The following KCNJ12 variants were observed in gnomAD, a reference collection of about 807,000 sequenced individuals.
KCNJ12 encodes potassium inwardly rectifying channel subfamily J member 12, also known as ATP-sensitive inward rectifier potassium channel 12.
In KCNJ12, 2 loss-of-function variants were observed where a neutral mutation model predicts 22.3. The ratio of observed to expected loss-of-function variants is 0.09; its 90% CI spans 0.04 to 0.28. KCNJ12 has a LOEUF of 0.28. Ranked by LOEUF, KCNJ12 falls within the 10% of genes least tolerant of loss-of-function variation. The pLI is 1.00. For synonymous variants in KCNJ12, 117 were observed against 261.4 expected (o/e 0.45, Z 5.33); for missense variants, 155 against 633.3 (o/e 0.24, Z 8.11).
At chr17:21,414,365 C>G (rs1412300808) in intron 2 of KCNJ12, among the ~76,000 whole-genome samples, 1 of 152,226 alleles carries the variant, frequency 6.6e-6, no homozygotes, top group Non-Finnish European at 1.5e-5. Flanking sequence ...ATCCCAGCTG[C>G]TCAGGAAGCT....
At chr17:21,392,486 A>AG (rs2142055178) in intron 1 of KCNJ12, among the ~76,000 whole-genome samples, 1 of 152,344 alleles carries the variant, frequency 6.6e-6, no homozygotes, top group African/African-American at 2.4e-5. Flanking sequence ...GGCAGGGGGC[A>AG]GGGGCCCAGC....
intron 1 of KCNJ12, among the ~76,000 whole-genome samples, chr17:21,384,254 T>C (rs1555558388): frequency 6.6e-6 from 1 of 152,124 alleles, no homozygotes; most frequent in African/African-American, 2.4e-5. Context: ...GTCCTGGGCA[T>C]GGATTGAGGG....
At chr17:21,412,218 A>G (rs1906396088) in intron 2 of KCNJ12, among the ~76,000 whole-genome samples, 2 of 152,228 alleles carry the variant, frequency 1.3e-5, no homozygotes, top group Non-Finnish European at 2.9e-5. Flanking sequence ...TGTGTGGTAA[A>G]ACCACGCAGA....
chr17:21,408,770 T>C (rs1378727974), intron 2 of KCNJ12, 130 bp downstream of exon 2: 4 of 152,148 alleles, frequency 2.6e-5, no homozygotes, highest in Non-Finnish European at 5.9e-5. Context: ...CCCATTTATC[T>C]GCTCAGCCTT....
chr17:21,387,440 CAA>C (rs782125409), intron 1 of KCNJ12, among the ~76,000 whole-genome samples: 21 of 36,520 alleles, frequency 5.8e-4, no homozygotes, highest in Admixed American at 1.4e-3. Flanking sequence ...GACTCTATCT[CAA>C]AAAAAAAAAA....
At chr17:21,385,174 C>T (rs1905033449) in intron 1 of KCNJ12, among the ~76,000 whole-genome samples, 1 of 152,154 alleles carries the variant, frequency 6.6e-6, no homozygotes, top group East Asian at 1.9e-4. Context: ...TCAGGGTGGT[C>T]CCACCTTACT....
intron 1 of KCNJ12, among the ~76,000 whole-genome samples, chr17:21,407,751 CCATT>C (rs1241664514): frequency 1.4e-4 from 21 of 149,008 alleles, no homozygotes; most frequent in South Asian, 4.2e-4. Context: ...ATCCATCCAT[CCATT>C]CATCCATCCA....
At chr17:21,399,775 T>G (rs1337169547) in intron 1 of KCNJ12, among the ~76,000 whole-genome samples, 1 of 152,134 alleles carries the variant, frequency 6.6e-6, no homozygotes, top group African/African-American at 2.4e-5. Context: ...GCCCTGGAAG[T>G]CCTGAATTTC....
chr17:21,378,801 A>G (rs1904764663), intron 1 of KCNJ12, among the ~76,000 whole-genome samples: 1 of 151,730 alleles, frequency 6.6e-6, no homozygotes, highest in Non-Finnish European at 1.5e-5. Context: ...GAGGGGCAGG[A>G]CCTGAGCTGT....
In KCNJ12 at chr17:21,400,988, G is replaced by A. The variant is rs77442881; in HGVS notation, c.-178-7531G>A. On this transcript the variant is annotated intron_variant, in intron 1 of 2. Coordinates refer to ENST00000583088, the MANE Select transcript of KCNJ12 (RefSeq NM_021012.5). ...TAGGGCCTGGGGTGAGCCCAGGCTC[G>A]GTGTGTCCAGCATACATTTCACAGA... Among the ~76,000 whole-genome samples, 11 of 152,414 alleles carry A rather than the reference G, an allele frequency of 7.2e-5. No homozygotes were observed. In the East Asian group the frequency reaches 7.7e-4, roughly 11 times the overall value.
intron 1 of KCNJ12, among the ~76,000 whole-genome samples, chr17:21,400,638 A>G (rs1228336426): frequency 6.6e-6 from 1 of 152,310 alleles, no homozygotes; most frequent in Non-Finnish European, 1.5e-5. Context: ...TTTCCCGACA[A>G]GGCCCTGGCC....
intron 1 of KCNJ12, among the ~76,000 whole-genome samples, chr17:21,406,001 T>C (rs1597573777): frequency 6.6e-6 from 1 of 152,172 alleles, no homozygotes; most frequent in South Asian, 2.1e-4. Context: ...TAGTAGGGAG[T>C]GAGGGACGAG....
intron 2 of KCNJ12, among the ~76,000 whole-genome samples, chr17:21,410,788 T>G (rs1281089193): frequency 1.3e-5 from 2 of 152,300 alleles, no homozygotes; most frequent in African/African-American, 4.8e-5. Context: ...TGAAAGGCTG[T>G]GTAACCATCA....
intron 2 of KCNJ12, 117 bp from the exon 3 acceptor site, chr17:21,415,170 C>T (rs57674009): frequency 0.023 from 24,417 of 1,073,604 alleles, no homozygotes; most frequent in East Asian, 0.1. Flanking sequence ...GACCAGAGCA[C>T]GATCGTGGGT....
intron 1 of KCNJ12, among the ~76,000 whole-genome samples, chr17:21,400,909 G>C (rs1188903166): frequency 6.6e-6 from 1 of 152,308 alleles, no homozygotes; most frequent in African/African-American, 2.4e-5. Context: ...CCGTCCTACT[G>C]ACTCCATGGG....
At position 21,416,106 on chromosome 17, in the gene KCNJ12, T is replaced by A. The variant is rs1906740335; in HGVS notation, c.764T>A (p.Phe255Tyr). Residue 255 changes from phenylalanine (F) to tyrosine (Y), a missense_variant, in exon 3 of 3, where the codon TTC becomes TAC. Phe to Tyr is a conservative substitution (Grantham distance 22). Coordinates refer to ENST00000583088, the MANE Select transcript of KCNJ12 (RefSeq NM_021012.5). ...PLDQIDIDVG[F>Y]DKGLDRIFLV... ...GACCAGATCGACATCGATGTGGGCT[T>A]CGACAAGGGCCTGGACCGCATCTTT... is the stretch of plus-strand genomic sequence containing the variant. 6.2e-7 allele frequency: 1 copy of A among 1,613,086 alleles called. No individual in the cohort carries two copies.
chr17:21,388,248 T>C (rs1905125545), intron 1 of KCNJ12, among the ~76,000 whole-genome samples: 1 of 152,178 alleles, frequency 6.6e-6, no homozygotes, highest in Non-Finnish European at 1.5e-5. Flanking sequence ...TGGGTCTCTA[T>C]GGCTCACCCA....
chr17:21,412,607 C>T (rs1458222947), intron 2 of KCNJ12, among the ~76,000 whole-genome samples: 3 of 152,300 alleles, frequency 2.0e-5, no homozygotes, highest in Non-Finnish European at 4.4e-5. Flanking sequence ...GGGGCTGAGC[C>T]CCCTTCCCAG....
chr17:21,395,280 G>A (rs1264385651), intron 1 of KCNJ12, among the ~76,000 whole-genome samples: 5 of 117,142 alleles, frequency 4.3e-5, no homozygotes, highest in Non-Finnish European at 8.2e-5. Flanking sequence ...AGGCGACACA[G>A]CAAGATCCTA....
Sources: gnomAD v4.1 joint callset for allele counts (sites outside exome capture counted in the v4.1 genomes callset) on GRCh38, gnomAD v4.1.1 for gene constraint, MANE v1.5 for transcripts, NCBI Gene and HGNC (gene_info 2026-07-23, HGNC 2026-07-21) for gene names.